XPR1: variants seen among roughly 807,000 people sequenced by gnomAD.
XPR1 encodes solute carrier family 53 member 1.
In XPR1, 28 loss-of-function variants were observed where a neutral mutation model predicts 87.5. The ratio of observed to expected loss-of-function variants is 0.32; its 90% CI spans 0.24 to 0.44. XPR1 has a LOEUF of 0.44. XPR1 is among the 20% of genes least tolerant of loss of function. XPR1 has a pLI of 1.00. For missense variants in XPR1, 559 were observed against 862.3 expected (o/e 0.65, Z 4.41); for synonymous variants, 300 against 306.1 (o/e 0.98, Z 0.21).
At chr1:180,787,896 A>T (rs1558008407) in intron 3 of XPR1, 42 bp downstream of exon 3, 2 of 1,399,690 alleles carry the variant, frequency 1.4e-6, no homozygotes, top group Non-Finnish European at 2.0e-6. Context: ...CCGGGGAAGG[A>T]TAAATTGTAC....
chr1:180,874,170 C>T (rs529082448), intron 13 of XPR1: 5 of 453,946 alleles, frequency 1.1e-5, no homozygotes, highest in African/African-American at 9.9e-5. Flanking sequence ...GCTGGGATTA[C>T]AGGCGTGAGC....
intron 1 of XPR1, among the ~76,000 whole-genome samples, chr1:180,654,681 A>T (rs1375526901): frequency 1.3e-5 from 2 of 152,148 alleles, no homozygotes; most frequent in African/African-American, 4.8e-5. Context: ...TAATTTTGTG[A>T]TGCATTACAT....
intron 3 of XPR1, among the ~76,000 whole-genome samples, chr1:180,799,313 G>A (rs945304156): frequency 5.3e-5 from 8 of 152,138 alleles, no homozygotes; most frequent in Non-Finnish European, 8.8e-5. Flanking sequence ...TCCTAGACTG[G>A]ATATTTTGGT....
At chr1:180,716,618 C>T (rs73034844) in intron 2 of XPR1, among the ~76,000 whole-genome samples, 6,537 of 152,182 alleles carry the variant, frequency 0.043, 501 homozygotes, top group African/African-American at 0.15. Context: ...TTGGCTCTTA[C>T]CATCAGCCCT....
At chr1:180,875,208 A>G (rs928355804) in intron 13 of XPR1, among the ~76,000 whole-genome samples, 1 of 152,214 alleles carries the variant, frequency 6.6e-6, no homozygotes, top group African/African-American at 2.4e-5. Context: ...TTGTAATGCA[A>G]ATTTTAAAAT....
At chr1:180,816,049 CT>C (rs1381744192) in intron 7 of XPR1, among the ~76,000 whole-genome samples, 1 of 152,112 alleles carries the variant, frequency 6.6e-6, no homozygotes, top group Non-Finnish European at 1.5e-5. Flanking sequence ...TATATTACCT[CT>C]GTACAGTGGA....
At chr1:180,835,324 C>T (rs930868830) in intron 10 of XPR1, among the ~76,000 whole-genome samples, 8 of 152,140 alleles carry the variant, frequency 5.3e-5, no homozygotes, top group African/African-American at 1.9e-4. Context: ...AGTTATATTG[C>T]AAGTGCTTTC....
rs1400138821 is a variant in XPR1 at position 180,820,776 on chromosome 1, G to A, written c.764-3977G>A. Among the ~76,000 whole-genome samples, 38 of 152,038 alleles carry A rather than the reference G, an allele frequency of 2.5e-4. 1 individual carries two copies. Among genetic ancestry groups the A allele is most frequent in the Admixed American group, 2.4e-3 (36 of 15,266 alleles). On this transcript the variant is annotated intron_variant, in intron 7 of 14. Transcript: ENST00000367590. ...ATATCCATACAAATGGGCGTGAAGT[G>A]GTATCTCATTGTGGTTTTAATTTGC...
At chr1:180,633,865 G>A (rs74562892) in intron 1 of XPR1, among the ~76,000 whole-genome samples, 33,943 of 152,148 alleles carry the variant, frequency 0.22, 3,915 homozygotes, top group East Asian at 0.28. Context: ...TCTTCACAGA[G>A]GCACAGGATA....
chr1:180,688,002 G>A (rs1656844326), intron 2 of XPR1, among the ~76,000 whole-genome samples: 1 of 150,354 alleles, frequency 6.7e-6, no homozygotes, highest in Non-Finnish European at 1.5e-5. Context: ...ATGTGACTGA[G>A]ATGTTGACTT....
chr1:180,723,404 C>T (rs1173901187), intron 2 of XPR1, among the ~76,000 whole-genome samples: 1 of 151,876 alleles, frequency 6.6e-6, no homozygotes, highest in East Asian at 1.9e-4. Flanking sequence ...GCCTTTTTTG[C>T]CATAAAAGGT....
intron 1 of XPR1, among the ~76,000 whole-genome samples, chr1:180,651,033 T>A (rs948938042): frequency 6.6e-6 from 1 of 152,144 alleles, no homozygotes; most frequent in African/African-American, 2.4e-5. Flanking sequence ...CTTTTTTGCA[T>A]AACAGGACCC....
At chr1:180,689,060 T>A (rs1403041799) in intron 2 of XPR1, among the ~76,000 whole-genome samples, 1 of 152,206 alleles carries the variant, frequency 6.6e-6, no homozygotes, top group Admixed American at 6.5e-5. Context: ...TACTCTTTAT[T>A]TGTGATGGAA....
At chr1:180,806,713 T>C (rs957459421) in intron 6 of XPR1, among the ~76,000 whole-genome samples, 156 bp downstream of exon 6, 1 of 152,202 alleles carries the variant, frequency 6.6e-6, no homozygotes, top group African/African-American at 2.4e-5. Flanking sequence ...TATGCTATAT[T>C]TTACTTCATT....
At chr1:180,776,302 T>C (rs1489128165) in intron 2 of XPR1, among the ~76,000 whole-genome samples, 1 of 152,156 alleles carries the variant, frequency 6.6e-6, no homozygotes, top group African/African-American at 2.4e-5. Context: ...ACAATATTTC[T>C]TAACATTTAT....
intron 7 of XPR1, among the ~76,000 whole-genome samples, chr1:180,819,751 C>G (rs1011706103): frequency 6.6e-6 from 1 of 152,174 alleles, no homozygotes; most frequent in African/African-American, 2.4e-5. Flanking sequence ...GGCGCGGTGG[C>G]TCATGCCTGT....
chr1:180,669,109 T>C (rs1053269028), intron 1 of XPR1, among the ~76,000 whole-genome samples: 3 of 148,264 alleles, frequency 2.0e-5, no homozygotes, highest in Non-Finnish European at 3.0e-5. Context: ...AAAAAAAAAA[T>C]CTATTGAGGC....
At chr1:180,823,240 C>CAAA (rs35189351) in intron 7 of XPR1, among the ~76,000 whole-genome samples, 156 of 135,924 alleles carry the variant, frequency 1.1e-3, no homozygotes, top group Middle Eastern at 3.9e-3. Flanking sequence ...GACTCCATCT[C>CAAA]AAAAAAAAAA....
chr1:180,825,663 T>C (rs1433037362), intron 9 of XPR1, among the ~76,000 whole-genome samples: 2 of 152,246 alleles, frequency 1.3e-5, no homozygotes, highest in Non-Finnish European at 2.9e-5. Flanking sequence ...CCTGTTAAGT[T>C]GATGTGAGTA....
Sources: gnomAD v4.1 joint callset for allele counts (sites outside exome capture counted in the v4.1 genomes callset) on GRCh38, gnomAD v4.1.1 for gene constraint, MANE v1.5 for transcripts, NCBI Gene and HGNC (gene_info 2026-07-23, HGNC 2026-07-21) for gene names.